RANBP3: variants seen among roughly 807,000 people sequenced by gnomAD.
RANBP3 encodes ran-binding protein 3.
RANBP3 carries 14 observed loss-of-function variants against 77.3 expected under a neutral mutation model. The observed-to-expected ratio is 0.18, with a 90% CI of 0.12 to 0.28. The LOEUF (loss-of-function observed/expected upper bound fraction) is 0.28, where lower values mean the gene tolerates loss of function less well. Ranked by LOEUF, RANBP3 falls within the 10% of genes least tolerant of loss-of-function variation. The pLI is 1.00. For synonymous variants in RANBP3, 315 were observed against 312.4 expected (o/e 1.01, Z -0.09); for missense variants, 586 against 752.3 (o/e 0.78, Z 2.59).
intron 1 of RANBP3, among the ~76,000 whole-genome samples, chr19:5,972,360 T>A (rs1441703377): frequency 1.3e-5 from 2 of 152,134 alleles, no homozygotes; most frequent in Non-Finnish European, 2.9e-5. Context: ...GGAAGCAAAC[T>A]GTGGACATGT....
At chr19:5,972,813 G>A (rs1366144261) in intron 1 of RANBP3, among the ~76,000 whole-genome samples, 1 of 152,120 alleles carries the variant, frequency 6.6e-6, no homozygotes, top group Admixed American at 6.6e-5. Context: ...TGCTGCTTCT[G>A]CTCACTCTGA....
chr19:5,919,489 C>T (rs1273407874), intron 14 of RANBP3, among the ~76,000 whole-genome samples: 4 of 152,194 alleles, frequency 2.6e-5, no homozygotes, highest in Non-Finnish European at 4.4e-5. Flanking sequence ...ACTGCTGCCA[C>T]GGGGCTACAG....
intron 3 of RANBP3, among the ~76,000 whole-genome samples, chr19:5,943,539 G>A (rs2145148973): frequency 6.6e-6 from 1 of 152,364 alleles, no homozygotes; most frequent in African/African-American, 2.4e-5. Flanking sequence ...TTGTGGCAGT[G>A]AGAGCCCAGA....
At chr19:5,949,161 C>T (rs985782868) in intron 3 of RANBP3, among the ~76,000 whole-genome samples, 1 of 152,156 alleles carries the variant, frequency 6.6e-6, no homozygotes, top group Non-Finnish European at 1.5e-5. Context: ...TGAGACCTGC[C>T]GGGTAACATG....
At chr19:5,957,053 T>C (rs368900526) in intron 2 of RANBP3, among the ~76,000 whole-genome samples, 3 of 147,126 alleles carry the variant, frequency 2.0e-5, no homozygotes, top group East Asian at 2.0e-4. Flanking sequence ...AGTGGGACTG[T>C]TGCAGCGGGT....
Position 5,975,576 on chromosome 19 carries a change from AG to A in RANBP3, c.22+2484del, listed in dbSNP as rs1419921052. Reference sequence around the variant, plus strand: ...TGTGCCAGGCACCGTTCTAGATGCAAGGGGGCAATCAGTGATCATAACATAA... The same window carrying A: ...TGTGCCAGGCACCGTTCTAGATGCAAGGGGCAATCAGTGATCATAACATAA... On this transcript the variant is annotated intron_variant, in intron 1 of 16. Transcript: ENST00000340578. Among the ~76,000 whole-genome samples, 6 of 150,616 alleles carry A rather than the reference AG, an allele frequency of 4.0e-5. No homozygotes were observed. The East Asian group carries it at 9.7e-4, about 24-fold the overall frequency.
chr19:5,956,832 G>A (rs190899153), intron 2 of RANBP3, among the ~76,000 whole-genome samples: 2 of 152,342 alleles, frequency 1.3e-5, no homozygotes, highest in Non-Finnish European at 2.9e-5. Context: ...CACCTGTGAG[G>A]GGACAGAAGC....
At chr19:5,933,265 C>T (rs2058019783) in intron 6 of RANBP3, 149 bp downstream of exon 6, 2 of 624,756 alleles carry the variant, frequency 3.2e-6, no homozygotes, top group Non-Finnish European at 5.4e-6. Flanking sequence ...GACAGCCTCT[C>T]TTTAAAGGAA....
chr19:5,965,512 C>T (rs2058456894), intron 1 of RANBP3, among the ~76,000 whole-genome samples: 1 of 152,148 alleles, frequency 6.6e-6, no homozygotes, highest in Non-Finnish European at 1.5e-5. Context: ...GTGTCTATTT[C>T]AGAGGCAGCA....
intron 8 of RANBP3, among the ~76,000 whole-genome samples, chr19:5,930,661 C>A (rs1007042621): frequency 1.3e-5 from 2 of 152,174 alleles, no homozygotes; most frequent in African/African-American, 4.8e-5. Flanking sequence ...CTCCCCTTCC[C>A]GGGCTCAAGC....
chr19:5,977,913 G>T, intron 1 of RANBP3, 148 bp downstream of exon 1: 1 of 1,020,302 alleles, frequency 9.8e-7, no homozygotes, highest in Non-Finnish European at 1.4e-6. Flanking sequence ...GACGCAATAG[G>T]GGGCGGCTGC....
intron 2 of RANBP3, among the ~76,000 whole-genome samples, chr19:5,956,216 G>A (rs2058333371): frequency 1.3e-5 from 2 of 152,112 alleles, no homozygotes; most frequent in Admixed American, 6.6e-5. Flanking sequence ...ACTAAAAATG[G>A]TTCAAAAGAT....
At chr19:5,948,657 T>C (rs1014654306) in intron 3 of RANBP3, among the ~76,000 whole-genome samples, 4 of 152,012 alleles carry the variant, frequency 2.6e-5, no homozygotes, top group African/African-American at 7.2e-5. Flanking sequence ...GGGCAGGCCC[T>C]GAGAAAAGCA....
At chr19:5,949,815 T>C (rs1439231440) in intron 3 of RANBP3, among the ~76,000 whole-genome samples, 1 of 151,974 alleles carries the variant, frequency 6.6e-6, no homozygotes, top group African/African-American at 2.4e-5. Context: ...CTCCAGACAC[T>C]CCAACATGGG....
At chr19:5,931,726 G>A (rs1057335392) in intron 7 of RANBP3, among the ~76,000 whole-genome samples, 195 bp from the exon 8 acceptor site, 3 of 152,114 alleles carry the variant, frequency 2.0e-5, no homozygotes, top group African/African-American at 7.2e-5. Context: ...AAAAAAACAA[G>A]AGAAACAAAC....
At chr19:5,925,785 G>A (rs2057899685) in intron 9 of RANBP3, 48 bp from the exon 10 acceptor site, 2 of 1,495,284 alleles carry the variant, frequency 1.3e-6, no homozygotes, top group African/African-American at 1.4e-5. Flanking sequence ...GGGGGTGCCT[G>A]GAGTTCCACA....
intron 1 of RANBP3, among the ~76,000 whole-genome samples, chr19:5,967,356 T>C (rs1263762492): frequency 3.3e-5 from 5 of 152,238 alleles, no homozygotes; most frequent in African/African-American, 1.2e-4. Flanking sequence ...TGGCATTACC[T>C]TCAACTACCG....
intron 3 of RANBP3, among the ~76,000 whole-genome samples, chr19:5,943,723 G>A (rs940098823): frequency 3.3e-4 from 51 of 152,324 alleles, no homozygotes; most frequent in South Asian, 8.3e-4. Context: ...ATGCTCCCAA[G>A]GGACTGTACG....
chr19:5,956,912 T>A (rs1293727986), intron 2 of RANBP3, among the ~76,000 whole-genome samples: 2 of 152,174 alleles, frequency 1.3e-5, no homozygotes. Flanking sequence ...ATCCTCAAAA[T>A]GCACCGAATT....
Sources: gnomAD v4.1 joint callset for allele counts (sites outside exome capture counted in the v4.1 genomes callset) on GRCh38, gnomAD v4.1.1 for gene constraint, MANE v1.5 for transcripts, NCBI Gene and HGNC (gene_info 2026-07-23, HGNC 2026-07-21) for gene names.